The following DLG2 variants were observed in gnomAD, a reference collection of about 807,000 sequenced individuals.
The protein encoded by DLG2 is discs large MAGUK scaffold protein 2.
Under a neutral mutation model 132.5 loss-of-function variants are expected in DLG2, and 45 were observed. That is an observed-to-expected ratio of 0.34 (90% CI 0.27 to 0.44). DLG2 has a LOEUF of 0.44. Among genes scored for constraint, DLG2 ranks in the 20% least tolerant of loss-of-function variants. The pLI is 1.00. For synonymous variants in DLG2, 424 were observed against 419.6 expected, an observed-to-expected ratio of 1.01 and a Z score of -0.13; for missense variants, 1,045 against 1,196.9, an observed-to-expected ratio of 0.87 and a Z score of 1.87.
chr11:85,468,443 G>C (rs2092875642), intron 3 of DLG2, among the ~76,000 whole-genome samples: 1 of 152,104 alleles, frequency 6.6e-6, no homozygotes, highest in African/African-American at 2.4e-5. Flanking sequence ...TCTCTTGTGG[G>C]CATTTAGTGC....
intron 5 of DLG2, among the ~76,000 whole-genome samples, chr11:85,112,779 ACT>A (rs1206893847): frequency 4.6e-5 from 7 of 151,924 alleles, no homozygotes; most frequent in Admixed American, 2.6e-4. Flanking sequence ...TTGCAGCAAG[ACT>A]CTGGCTGACT....
At chr11:85,477,773 T>C in intron 3 of DLG2, among the ~76,000 whole-genome samples, 1 of 152,176 alleles carries the variant, frequency 6.6e-6, no homozygotes, top group Non-Finnish European at 1.5e-5. Context: ...TTTCAAACTA[T>C]CTCATGAGCC....
Position 84,369,115 on chromosome 11 carries a change from C to A in DLG2, c.520-117824G>T, listed in dbSNP as rs147943383. ...CTCCAAAATTTACATTTTTATACTG[C>A]AATATGGCCGTGTTTTATACATTAC... is the stretch of plus-strand genomic sequence containing the variant. On this transcript the variant is annotated intron_variant, in intron 7 of 27. Coordinates refer to ENST00000376104, the MANE Select transcript of DLG2 (RefSeq NM_001142699.3). Among the ~76,000 whole-genome samples, 28 of 151,822 alleles carry A rather than the reference C, an allele frequency of 1.8e-4. No homozygotes were observed. In the East Asian group the frequency reaches 5.4e-3, roughly 29 times the overall value.
intron 6 of DLG2, among the ~76,000 whole-genome samples, chr11:84,766,933 G>A (rs954298159): frequency 2.0e-5 from 3 of 151,976 alleles, no homozygotes; most frequent in Non-Finnish European, 2.9e-5. Context: ...TAGATCTGTT[G>A]GATTCCAAAG....
At chr11:84,650,891 A>ACATATATAC in intron 6 of DLG2, among the ~76,000 whole-genome samples, 1 of 146,080 alleles carries the variant, frequency 6.8e-6, no homozygotes, top group African/African-American at 2.5e-5. Flanking sequence ...ATATATATAT[A>ACATATATAC]TATATATATA....
chr11:84,569,325 A>C (rs2099471119), intron 6 of DLG2, among the ~76,000 whole-genome samples: 1 of 152,204 alleles, frequency 6.6e-6, no homozygotes, highest in Non-Finnish European at 1.5e-5. Flanking sequence ...CAAGAACAAA[A>C]GGATTAGGAA....
intron 14 of DLG2, among the ~76,000 whole-genome samples, chr11:83,937,786 A>T (rs950797598): frequency 6.6e-6 from 1 of 152,148 alleles, no homozygotes; most frequent in Admixed American, 6.6e-5. Flanking sequence ...ACCTATTTTT[A>T]AAAAAAGGAT....
intron 3 of DLG2, among the ~76,000 whole-genome samples, chr11:85,396,777 G>A (rs919778246): frequency 5.9e-5 from 9 of 152,178 alleles, no homozygotes; most frequent in Non-Finnish European, 8.8e-5. Flanking sequence ...ATGGGACTAC[G>A]TGAAAAGACC....
chr11:84,116,103 G>C (rs7114261), intron 9 of DLG2, among the ~76,000 whole-genome samples: 131,369 of 152,200 alleles, frequency 0.86, 56,966 homozygotes, highest in Middle Eastern at 0.94. Context: ...AACTTAATCC[G>C]CAGTGCAAGA....
chr11:84,414,544 C>T (rs565456386), intron 7 of DLG2, among the ~76,000 whole-genome samples: 5 of 152,202 alleles, frequency 3.3e-5, no homozygotes, highest in East Asian at 1.9e-4. Flanking sequence ...GTATTATATT[C>T]GGACTGAACG....
At chr11:83,983,797 C>T (rs1203873375) in intron 11 of DLG2, among the ~76,000 whole-genome samples, 1 of 151,986 alleles carries the variant, frequency 6.6e-6, no homozygotes, top group Non-Finnish European at 1.5e-5. Context: ...GAGTAAAATA[C>T]CCCAAACTGG....
At chr11:85,516,815 G>A (rs1043562174) in intron 3 of DLG2, among the ~76,000 whole-genome samples, 3 of 151,872 alleles carry the variant, frequency 2.0e-5, no homozygotes, top group Admixed American at 1.3e-4. Flanking sequence ...CAGGACCGGA[G>A]GGATTCACAG....
At chr11:85,212,362 T>C (rs2082308958) in intron 4 of DLG2, among the ~76,000 whole-genome samples, 1 of 152,128 alleles carries the variant, frequency 6.6e-6, no homozygotes, top group Non-Finnish European at 1.5e-5. Flanking sequence ...TTCCTCTCTC[T>C]TTATAAGAAG....
At chr11:84,279,876 CTAAT>C (rs911725818) in intron 7 of DLG2, among the ~76,000 whole-genome samples, 1 of 152,046 alleles carries the variant, frequency 6.6e-6, no homozygotes, top group Non-Finnish European at 1.5e-5. Flanking sequence ...AGAAACAAAA[CTAAT>C]TAACAACTTA....
intron 3 of DLG2, among the ~76,000 whole-genome samples, chr11:85,525,208 T>C (rs549251375): frequency 6.6e-6 from 1 of 152,310 alleles, no homozygotes; most frequent in African/African-American, 2.4e-5. Context: ...GAGGAAGCAT[T>C]TGAAAAAGTA....
At chr11:84,791,897 G>A (rs1461123190) in intron 6 of DLG2, among the ~76,000 whole-genome samples, 1 of 152,006 alleles carries the variant, frequency 6.6e-6, no homozygotes, top group African/African-American at 2.4e-5. Flanking sequence ...TTTGGTATCT[G>A]CTTTTCCAAC....
intron 6 of DLG2, among the ~76,000 whole-genome samples, chr11:84,752,462 C>A (rs2066257613): frequency 6.6e-6 from 1 of 151,562 alleles, no homozygotes; most frequent in South Asian, 2.1e-4. Context: ...TGTATGTGGA[C>A]TATTTTATTT....
intron 3 of DLG2, among the ~76,000 whole-genome samples, chr11:85,545,121 T>C (rs1428462216): frequency 6.6e-6 from 1 of 152,230 alleles, no homozygotes; most frequent in Admixed American, 6.5e-5. Flanking sequence ...ATATTGGCTG[T>C]GGGTTTGTCA....
intron 4 of DLG2, among the ~76,000 whole-genome samples, chr11:85,161,911 C>G (rs776730110): frequency 1.1e-4 from 17 of 152,188 alleles, no homozygotes; most frequent in Non-Finnish European, 2.1e-4. Flanking sequence ...GTCCAGGAAT[C>G]AAGGGGTGGA....
Sources: gnomAD v4.1 joint callset for allele counts (sites outside exome capture counted in the v4.1 genomes callset) on GRCh38, gnomAD v4.1.1 for gene constraint, MANE v1.5 for transcripts, NCBI Gene and HGNC (gene_info 2026-07-23, HGNC 2026-07-21) for gene names.